The following SDK1 variants were observed in gnomAD, a reference collection of about 807,000 sequenced individuals.
SDK1 encodes sidekick cell adhesion molecule 1, also known as protein sidekick-1.
In SDK1, 157 loss-of-function variants were observed where a neutral mutation model predicts 245.5. The ratio of observed to expected loss-of-function variants is 0.64; its 90% CI spans 0.56 to 0.73. The LOEUF (loss-of-function observed/expected upper bound fraction) is 0.73. Among genes scored for constraint, SDK1 ranks in the 30% least tolerant of loss-of-function variants. The probability of loss-of-function intolerance (pLI) is 0.00; values close to 1 mark genes in which losing one functional copy is unlikely to be tolerated. For synonymous variants in SDK1, 1,647 were observed against 1,278.5 expected (o/e 1.29, Z -6.15); for missense variants, 3,583 against 3,002.3 (o/e 1.19, Z -4.52).
chr7:3,867,094 T>C (rs1038667302), intron 5 of SDK1, among the ~76,000 whole-genome samples: 8 of 152,198 alleles, frequency 5.3e-5, no homozygotes, highest in Non-Finnish European at 1.0e-4. Context: ...AGCCGTATTT[T>C]TCCAAGTGGT....
At chr7:4,194,347 G>C (rs62440631) in intron 35 of SDK1, among the ~76,000 whole-genome samples, 6,750 of 105,076 alleles carry the variant, frequency 0.064, 590 homozygotes, top group African/African-American at 0.17. Flanking sequence ...TACATGTATA[G>C]ATATATGTAT....
At chr7:4,073,913 C>A (rs529576370) in intron 20 of SDK1, among the ~76,000 whole-genome samples, 2 of 152,278 alleles carry the variant, frequency 1.3e-5, no homozygotes, top group South Asian at 4.1e-4. Context: ...AGCGATTTAT[C>A]CCCTAGTGCT....
At chr7:3,418,835 G>C (rs1476314596) in intron 1 of SDK1, among the ~76,000 whole-genome samples, 1 of 152,062 alleles carries the variant, frequency 6.6e-6, no homozygotes, top group African/African-American at 2.4e-5. Flanking sequence ...ATTGTACACC[G>C]GGATCTCCCC....
chr7:3,990,251 A>C (rs1784193232), intron 14 of SDK1, among the ~76,000 whole-genome samples: 1 of 152,196 alleles, frequency 6.6e-6, no homozygotes, highest in African/African-American at 2.4e-5. Context: ...ACCACCTCGG[A>C]GTGAGGCCAG....
At chr7:3,607,017 T>G (rs890009231) in intron 1 of SDK1, among the ~76,000 whole-genome samples, 5 of 152,184 alleles carry the variant, frequency 3.3e-5, no homozygotes, top group African/African-American at 1.2e-4. Flanking sequence ...ATTTGCTGTT[T>G]TGATAAAAAG....
rs139450761 is a variant in SDK1, at chr7:3,342,152, C to A, written c.298+40268C>A. 9.4e-3 allele frequency among the ~76,000 whole-genome samples: 1,435 copies of A among 152,300 alleles called. 6 individuals carry two copies. The highest frequency in any genetic ancestry group is 0.015 in the Non-Finnish European group (1,048 of 68,028). ...AAAAGCAATTCACTGATAGATTATT[C>A]TTCTCAACAAATGGTGTTGGAGCAG... is the stretch of plus-strand genomic sequence containing the variant. On this transcript the variant is annotated intron_variant, in intron 1 of 44. Coordinates refer to ENST00000404826, the MANE Select transcript of SDK1 (RefSeq NM_152744.4).
intron 4 of SDK1, among the ~76,000 whole-genome samples, chr7:3,691,455 T>C (rs1784435220): frequency 1.3e-5 from 2 of 152,214 alleles, no homozygotes; most frequent in African/African-American, 4.8e-5. Flanking sequence ...AGCACTTTGC[T>C]TCCGTTACAG....
intron 1 of SDK1, among the ~76,000 whole-genome samples, chr7:3,465,448 G>A (rs186783619): frequency 3.3e-4 from 50 of 152,320 alleles, no homozygotes; most frequent in African/African-American, 1.2e-3. Context: ...CTGAAGTTGA[G>A]AAGTGTTTCC....
At chr7:3,491,000 C>G (rs1390841513) in intron 1 of SDK1, among the ~76,000 whole-genome samples, 2 of 152,228 alleles carry the variant, frequency 1.3e-5, no homozygotes, top group Non-Finnish European at 2.9e-5. Flanking sequence ...ACAGACTGAT[C>G]ACCTTGCCTG....
At chr7:4,074,087 C>T (rs1394256186) in intron 20 of SDK1, among the ~76,000 whole-genome samples, 1 of 152,142 alleles carries the variant, frequency 6.6e-6, no homozygotes, top group African/African-American at 2.4e-5. Context: ...CACTGCAATC[C>T]TAGTCAGCTC....
At position 3,636,095 on chromosome 7, in the gene SDK1, G is replaced by A. The variant is rs532799747; in HGVS notation, c.459-2909G>A. ...ATAGAAAAAGCTGTACATATCTAATGTATACAGCTTGATGAGTTGGGAGAT... is the reference window on the plus strand; with the variant it reads ...ATAGAAAAAGCTGTACATATCTAATATATACAGCTTGATGAGTTGGGAGAT... On this transcript the variant is annotated intron_variant, in intron 2 of 44. Transcript: ENST00000404826. 4.9e-4 allele frequency among the ~76,000 whole-genome samples: 74 copies of A among 152,224 alleles called. 2 individuals carry two copies. The South Asian group carries it at 0.014, about 28-fold the overall frequency.
At chr7:3,538,738 C>G (rs1203925873) in intron 1 of SDK1, among the ~76,000 whole-genome samples, 1 of 152,184 alleles carries the variant, frequency 6.6e-6, no homozygotes, top group African/African-American at 2.4e-5. Flanking sequence ...TATGCAAACC[C>G]CAGAACTTCA....
At chr7:3,810,699 T>C (rs928809706) in intron 4 of SDK1, among the ~76,000 whole-genome samples, 55 of 152,360 alleles carry the variant, frequency 3.6e-4, no homozygotes, top group African/African-American at 1.3e-3. Flanking sequence ...CTGTCCCTCC[T>C]ACTAGACAGC....
intron 14 of SDK1, among the ~76,000 whole-genome samples, chr7:4,001,574 A>G (rs1200728715): frequency 6.6e-6 from 1 of 152,164 alleles, no homozygotes; most frequent in Non-Finnish European, 1.5e-5. Context: ...GTATTTCTAA[A>G]TGTCTCAGCT....
chr7:3,544,796 C>T (rs575950086), intron 1 of SDK1, among the ~76,000 whole-genome samples: 21 of 152,284 alleles, frequency 1.4e-4, no homozygotes, highest in South Asian at 1.0e-3. Flanking sequence ...AAGTTTATTT[C>T]CTGCTTAGGG....
Position 3,316,741 on chromosome 7 carries a change from G to A in SDK1, c.298+14857G>A, listed in dbSNP as rs73288349. Among the ~76,000 whole-genome samples, 1,317 of 152,234 alleles carry A rather than the reference G, an allele frequency of 8.7e-3. 24 individuals carry two copies. Among genetic ancestry groups the A allele is most frequent in the African/African-American group, 0.03 (1,240 of 41,526 alleles). On this transcript the variant is annotated intron_variant, in intron 1 of 44. Coordinates refer to ENST00000404826, the MANE Select transcript of SDK1 (RefSeq NM_152744.4). ...ATGGAGCTCTACAAATCACTGCAGC[G>A]TGGAACTGGTTCTTGCCCATCCCGA...
At chr7:3,903,302 G>C (rs962118400) in intron 5 of SDK1, among the ~76,000 whole-genome samples, 2 of 151,834 alleles carry the variant, frequency 1.3e-5, no homozygotes, top group East Asian at 1.9e-4. Context: ...CGCCACCATG[G>C]CCGGCTAATT....
chr7:3,583,742 G>A (rs1002403752), intron 1 of SDK1, among the ~76,000 whole-genome samples: 2 of 152,174 alleles, frequency 1.3e-5, no homozygotes, highest in East Asian at 1.9e-4. Flanking sequence ...GGCATTGGCA[G>A]GAAGACTGCG....
intron 1 of SDK1, among the ~76,000 whole-genome samples, chr7:3,452,936 A>C (rs1191720435): frequency 6.6e-6 from 1 of 152,138 alleles, no homozygotes; most frequent in African/African-American, 2.4e-5. Context: ...CCCCTGTTAA[A>C]ATCAGTTACC....
Sources: gnomAD v4.1 joint callset for allele counts (sites outside exome capture counted in the v4.1 genomes callset) on GRCh38, gnomAD v4.1.1 for gene constraint, MANE v1.5 for transcripts, NCBI Gene and HGNC (gene_info 2026-07-23, HGNC 2026-07-21) for gene names.